The following VMP1 variants were observed in gnomAD, a reference collection of about 807,000 sequenced individuals.
VMP1 encodes the protein vacuole membrane protein 1, also known as ectopic P-granules autophagy protein 3 homolog.
In VMP1, 11 loss-of-function variants were observed where a neutral mutation model predicts 56.0. The ratio of observed to expected loss-of-function variants is 0.20; its 90% CI spans 0.12 to 0.32. The LOEUF (loss-of-function observed/expected upper bound fraction) is 0.32. Among genes scored for constraint, VMP1 ranks in the 10% least tolerant of loss-of-function variants. The pLI is 1.00. For missense variants in VMP1, 296 were observed against 490.3 expected (o/e 0.60, Z 3.74); for synonymous variants, 149 against 165.0 (o/e 0.90, Z 0.74).
intron 7 of VMP1, among the ~76,000 whole-genome samples, chr17:59,788,280 A>G (rs1238800120): frequency 6.8e-6 from 1 of 148,140 alleles, no homozygotes; most frequent in East Asian, 2.0e-4. Context: ...CAAAGTCAGG[A>G]GCTCTAGACC....
rs73994243 is a variant in VMP1, at chr17:59,781,763, A to T, written c.714+7878A>T. 4.2e-3 allele frequency among the ~76,000 whole-genome samples: 637 copies of T among 152,288 alleles called. 2 individuals carry two copies. Among genetic ancestry groups the T allele is most frequent in the African/African-American group, 0.015 (609 of 41,572 alleles). On this transcript the variant is annotated intron_variant, in intron 7 of 11. Coordinates refer to ENST00000262291, the MANE Select transcript of VMP1 (RefSeq NM_030938.5). ...CAAATAAAGAAGAAATAGAATGTTCATCTAACAGGTGCATATATCTTTTTT... is the reference window on the plus strand; with the variant it reads ...CAAATAAAGAAGAAATAGAATGTTCTTCTAACAGGTGCATATATCTTTTTT...
At chr17:59,721,390 A>C (rs2034391271) in intron 1 of VMP1, among the ~76,000 whole-genome samples, 1 of 152,220 alleles carries the variant, frequency 6.6e-6, no homozygotes, top group Admixed American at 6.5e-5. Flanking sequence ...AATATGCACA[A>C]ATGCAAATTA....
intron 7 of VMP1, among the ~76,000 whole-genome samples, chr17:59,790,137 G>C (rs1238876857): frequency 6.6e-6 from 1 of 151,740 alleles, no homozygotes; most frequent in African/African-American, 2.4e-5. Flanking sequence ...CACCGTGTTT[G>C]GCTCCAATCT....
At chr17:59,738,786 C>T (rs371663135) in intron 4 of VMP1, 51 bp from the exon 5 acceptor site, 13 of 1,247,424 alleles carry the variant, frequency 1.0e-5, no homozygotes, top group African/African-American at 6.0e-5. Context: ...TTATAAATAC[C>T]GCATTTCTGT....
chr17:59,721,728 A>G (rs1010747164), intron 1 of VMP1, among the ~76,000 whole-genome samples: 1 of 151,922 alleles, frequency 6.6e-6, no homozygotes, highest in African/African-American at 2.4e-5. Flanking sequence ...ACAAAACAAA[A>G]CAAAACAAAA....
Position 59,813,992 on chromosome 17 carries a change from G to GATTGATTT in VMP1, c.912+2209_912+2210insGATTTATT, listed in dbSNP as rs1344450663. On this transcript the variant is annotated intron_variant, in intron 9 of 11. Coordinates refer to ENST00000262291, the MANE Select transcript of VMP1 (RefSeq NM_030938.5). ...ATTTATGATGATTGATTGATTGATT[G>GATTGATTT]ATTTTTGAGATGGAGTCTCTCTCTG... 2.6e-5 allele frequency among the ~76,000 whole-genome samples: 4 copies of GATTGATTT among 151,930 alleles called. No individual in the cohort carries two copies. In the East Asian group the frequency reaches 7.7e-4, roughly 29 times the overall value.
At chr17:59,809,742 G>A (rs1222649657) in intron 8 of VMP1, among the ~76,000 whole-genome samples, 1 of 151,582 alleles carries the variant, frequency 6.6e-6, no homozygotes, top group African/African-American at 2.4e-5. Flanking sequence ...TCCTGACCTC[G>A]TGATCCGCCC....
At chr17:59,811,814 A>G (rs111610910) in intron 9 of VMP1, 28 bp downstream of exon 9, 2 of 1,377,750 alleles carry the variant, frequency 1.5e-6, no homozygotes. Flanking sequence ...TTCACTGCCT[A>G]ATGATGATGA....
At chr17:59,747,511 G>C (rs1469002424) in intron 5 of VMP1, among the ~76,000 whole-genome samples, 1 of 150,958 alleles carries the variant, frequency 6.6e-6, no homozygotes, top group Non-Finnish European at 1.5e-5. Context: ...CCAGGCTCAA[G>C]TGATTCTCCT....
At chr17:59,836,353 A>G (rs981035777) in intron 10 of VMP1, among the ~76,000 whole-genome samples, 2 of 151,850 alleles carry the variant, frequency 1.3e-5, no homozygotes, top group Non-Finnish European at 2.9e-5. Flanking sequence ...ACATGCCACC[A>G]TTCTCAGCTC....
intron 10 of VMP1, among the ~76,000 whole-genome samples, chr17:59,824,436 G>C (rs1392289469): frequency 6.6e-6 from 1 of 151,084 alleles, no homozygotes; most frequent in Admixed American, 6.6e-5. Flanking sequence ...AGCCGGGCGT[G>C]GGGGTGGGCG....
At chr17:59,834,941 G>A (rs527636234) in intron 10 of VMP1, among the ~76,000 whole-genome samples, 2 of 152,062 alleles carry the variant, frequency 1.3e-5, no homozygotes, top group South Asian at 4.2e-4. Context: ...TGTCTTTTTG[G>A]TAGAGACAGG....
chr17:59,720,340 A>T (rs1439119272), intron 1 of VMP1, among the ~76,000 whole-genome samples: 2 of 152,196 alleles, frequency 1.3e-5, no homozygotes, highest in Non-Finnish European at 1.5e-5. Flanking sequence ...TTTTTGACGG[A>T]TTGTCCTTGT....
At chr17:59,775,086 C>T (rs868245643) in intron 7 of VMP1, among the ~76,000 whole-genome samples, 5 of 151,916 alleles carry the variant, frequency 3.3e-5, no homozygotes, top group Admixed American at 1.3e-4. Flanking sequence ...GGACTACAGG[C>T]GCCTGCCACC....
chr17:59,838,748 G>T, intron 11 of VMP1: 1 of 174,834 alleles, frequency 5.7e-6, no homozygotes, highest in South Asian at 1.2e-4. Context: ...TAGACTTACT[G>T]AGGTGACTTG....
intron 1 of VMP1, among the ~76,000 whole-genome samples, chr17:59,715,765 T>G (rs1442034842): frequency 6.6e-6 from 1 of 152,228 alleles, no homozygotes; most frequent in African/African-American, 2.4e-5. Flanking sequence ...TTTCAGATGT[T>G]ACTGAATCTG....
intron 1 of VMP1, chr17:59,729,790 A>T (rs113795016): frequency 0.042 from 6,301 of 148,744 alleles, 177 homozygotes; most frequent in Non-Finnish European, 0.063. Flanking sequence ...GGTCCAAGCG[A>T]TTCTCCTGCC....
intron 7 of VMP1, 120 bp from the exon 8 acceptor site, chr17:59,808,676 C>T: frequency 2.8e-6 from 2 of 722,610 alleles, no homozygotes; most frequent in Middle Eastern, 3.8e-4. Context: ...TAATTTTTTT[C>T]ATCATTCATC....
Position 59,735,324 on chromosome 17 carries a change from C to T in VMP1, c.77-14C>T. Reference sequence around the variant, plus strand: ...TAGAAATTCTGTTTTAATCTCTGCACTATTGTTTTTCAGACCCCTCTTCAG... The same window carrying T: ...TAGAAATTCTGTTTTAATCTCTGCATTATTGTTTTTCAGACCCCTCTTCAG... On this transcript the variant is annotated splice_polypyrimidine_tract_variant and intron_variant, in intron 2 of 11. Transcript: ENST00000262291. The T allele has an allele frequency of 6.2e-7, 1 of 1,613,256 alleles. No individual in the cohort carries two copies. The highest frequency in any genetic ancestry group is 8.5e-7 in the Non-Finnish European group (1 of 1,179,642).
Sources: allele counts gnomAD v4.1 joint callset (sites outside exome capture counted in the v4.1 genomes callset), GRCh38; gene constraint gnomAD v4.1.1; transcripts MANE v1.5; gene names NCBI Gene and HGNC (gene_info 2026-07-23, HGNC 2026-07-21).